ACTR3C: variants seen among roughly 807,000 people sequenced by gnomAD.
The protein encoded by ACTR3C is actin-related protein 3C.
ACTR3C carries 18 observed loss-of-function variants against 26.3 expected under a neutral mutation model. The observed-to-expected ratio is 0.68, with a 90% CI of 0.47 to 1.01. ACTR3C has a LOEUF of 1.01. Ranked by LOEUF, ACTR3C falls within the 50% of genes least tolerant of loss-of-function variation. The pLI is 0.00. For synonymous variants in ACTR3C, 55 were observed against 94.5 expected, an observed-to-expected ratio of 0.58 and a Z score of 2.42; for missense variants, 184 against 250.7, an observed-to-expected ratio of 0.73 and a Z score of 1.80.
At chr7:150,146,138 T>C in the ACTR3C span, among the ~76,000 whole-genome samples, 1 of 152,134 alleles carries the variant, frequency 6.6e-6, no homozygotes, top group African/African-American at 2.4e-5. Context: ...TATATTAAAA[T>C]AAAAATTCAA....
At chr7:149,963,252 C>T in the ACTR3C span, among the ~76,000 whole-genome samples, 4 of 152,178 alleles carry the variant, frequency 2.6e-5, no homozygotes, top group African/African-American at 9.7e-5. Context: ...ACGACTCTGT[C>T]CCAGATACAG....
chr7:150,080,515 GTT>G, the ACTR3C span, among the ~76,000 whole-genome samples: 2,225 of 136,526 alleles, frequency 0.016, 58 homozygotes, highest in African/African-American at 0.053. Context: ...CTGTATGAGT[GTT>G]TGTGTGTGTA....
the ACTR3C span, among the ~76,000 whole-genome samples, chr7:149,973,580 G>A: frequency 6.6e-6 from 1 of 152,052 alleles, no homozygotes; most frequent in Non-Finnish European, 1.5e-5. Context: ...GATCTTGGGA[G>A]GACAGAAGTA....
At chr7:150,077,186 AT>A in the ACTR3C span, among the ~76,000 whole-genome samples, 1 of 152,120 alleles carries the variant, frequency 6.6e-6, no homozygotes, top group South Asian at 2.1e-4. Context: ...CAAAGGCAGT[AT>A]TTCAAATATA....
At chr7:150,076,787 T>C in the ACTR3C span, 1 of 152,236 alleles carries the variant, frequency 6.6e-6, no homozygotes, top group Admixed American at 6.5e-5. Flanking sequence ...TTCCTAACTA[T>C]TTTCTCAATT....
intron 6 of ACTR3C, among the ~76,000 whole-genome samples, chr7:150,251,292 G>A (rs975470448): frequency 1.3e-5 from 2 of 151,960 alleles, no homozygotes; most frequent in African/African-American, 4.8e-5. Context: ...TACTTTATTG[G>A]TTGTTATTTT....
At chr7:150,164,865 C>A in the ACTR3C span, among the ~76,000 whole-genome samples, 5 of 152,156 alleles carry the variant, frequency 3.3e-5, no homozygotes, top group African/African-American at 4.8e-5. Flanking sequence ...AATAAAGCTC[C>A]AGGTGACTCG....
At chr7:150,049,218 C>T in the ACTR3C span, among the ~76,000 whole-genome samples, 1 of 152,040 alleles carries the variant, frequency 6.6e-6, no homozygotes, top group Non-Finnish European at 1.5e-5. Flanking sequence ...CCCCTCCCGG[C>T]CCTCCCGCGT....
the ACTR3C span, among the ~76,000 whole-genome samples, chr7:150,235,780 C>A: frequency 3.3e-5 from 5 of 151,968 alleles, no homozygotes; most frequent in African/African-American, 1.2e-4. Flanking sequence ...CTGAGAATAG[C>A]ATTTGGGTTT....
intron 7 of ACTR3C, 163 bp downstream of exon 7, chr7:150,248,785 A>T (rs1832635856): frequency 2.4e-6 from 1 of 410,276 alleles, no homozygotes. Flanking sequence ...AGACTCCAAC[A>T]TAAAGATGAC....
At chr7:150,119,604 A>G in the ACTR3C span, among the ~76,000 whole-genome samples, 348 of 152,282 alleles carry the variant, frequency 2.3e-3, 2 homozygotes, top group African/African-American at 8.1e-3. Flanking sequence ...GAGAACTACA[A>G]AGAGACTTAG....
the ACTR3C span, among the ~76,000 whole-genome samples, chr7:150,145,438 G>A: frequency 6.6e-6 from 1 of 151,504 alleles, no homozygotes; most frequent in Admixed American, 6.6e-5. Context: ...AGGCCTTGTG[G>A]TCTTTAATCT....
chr7:150,142,666 T>G, the ACTR3C span, among the ~76,000 whole-genome samples: 1 of 151,144 alleles, frequency 6.6e-6, no homozygotes, highest in Non-Finnish European at 1.5e-5. Context: ...GTAGCTGGGA[T>G]TACAGACGCC....
chr7:150,310,908 G>A (rs1796260579), intron 1 of ACTR3C, among the ~76,000 whole-genome samples: 1 of 151,966 alleles, frequency 6.6e-6, no homozygotes, highest in African/African-American at 2.4e-5. Context: ...CCCCTTCAAG[G>A]CTCAAATGTC....
the ACTR3C span, among the ~76,000 whole-genome samples, chr7:150,068,596 G>T: frequency 2.0e-5 from 3 of 147,466 alleles, no homozygotes; most frequent in Admixed American, 6.9e-5. Context: ...GGCTAACACG[G>T]TGAAACCCCG....
chr7:150,049,273 G>A, the ACTR3C span, among the ~76,000 whole-genome samples: 2 of 151,974 alleles, frequency 1.3e-5, no homozygotes, highest in Admixed American at 1.3e-4. Context: ...TTCTGGAGTT[G>A]CTGGGCACGC....
At chr7:150,281,304 A>G (rs1835317830) in intron 6 of ACTR3C, among the ~76,000 whole-genome samples, 2 of 151,456 alleles carry the variant, frequency 1.3e-5, no homozygotes, top group Non-Finnish European at 2.9e-5. Flanking sequence ...AGTGTTTTAG[A>G]ATTATTTTTA....
the ACTR3C span, among the ~76,000 whole-genome samples, chr7:150,037,839 C>T: frequency 0.023 from 1,665 of 70,852 alleles, 257 homozygotes; most frequent in Admixed American, 0.082. Context: ...CCCTGCCTCG[C>T]GGAGGGTGCC....
At chr7:150,005,276 G>T in the ACTR3C span, among the ~76,000 whole-genome samples, 1 of 152,094 alleles carries the variant, frequency 6.6e-6, no homozygotes, top group Non-Finnish European at 1.5e-5. Context: ...ACCCCTTTCT[G>T]CATAAGCACA....
Sources: gnomAD v4.1 joint callset for allele counts (sites outside exome capture counted in the v4.1 genomes callset) on GRCh38, gnomAD v4.1.1 for gene constraint, MANE v1.5 for transcripts, NCBI Gene and HGNC (gene_info 2026-07-23, HGNC 2026-07-21) for gene names.